Variants in CACNA1I observed in about 807,000 individuals in gnomAD.
CACNA1I encodes voltage-dependent T-type calcium channel subunit alpha-1I.
A neutral mutation model predicts 201.6 loss-of-function variants in CACNA1I; 74 were observed. The observed-to-expected ratio is 0.37, with a 90% CI of 0.30 to 0.45. CACNA1I has a LOEUF of 0.45. Among genes scored for constraint, CACNA1I ranks in the 20% least tolerant of loss-of-function variants. The pLI is 1.00. For synonymous variants in CACNA1I, 1,431 were observed against 1,345.2 expected (o/e 1.06, Z -1.40); for missense variants, 2,346 against 3,138.1 (o/e 0.75, Z 6.03).
At position 39,665,956 on chromosome 22, in the gene CACNA1I, G is replaced by A. The variant is rs765055982; in HGVS notation, c.4054G>A (p.Ala1352Thr). ...NITNRSDCMA[A>T]NYRWVHHKYN... The stretch of plus-strand genomic sequence containing the variant: ...CACCAACCGCTCGGACTGCATGGCC[G>A]CCAACTACCGCTGGGTCCATCACAA... Residue 1352 changes from alanine to threonine, a missense_variant, in exon 23 of 37, where the codon GCC (alanine) becomes ACC (threonine). Ala to Thr is a moderately conservative substitution (Grantham distance 58). This residue lies in a region of CACNA1I where 228 missense variants were observed against 395.7 expected (regional missense o/e 0.58). Transcript: ENST00000402142. This position sits in a 1 kb window ranked among gnomAD's most constrained non-coding sequence, Gnocchi z 5.5. 5.6e-6 allele frequency: 9 copies of A among 1,613,668 alleles called. No homozygotes were observed. The highest frequency in any genetic ancestry group is 1.3e-5 in the African/African-American group (1 of 74,934).
intron 29 of CACNA1I, among the ~76,000 whole-genome samples, chr22:39,674,407 G>A (rs546981615): frequency 6.6e-6 from 1 of 152,204 alleles, no homozygotes; most frequent in South Asian, 2.1e-4. Context: ...GGAGATCAGG[G>A]AAGGCAGCCT....
chr22:39,581,378 A>G (rs534151819), intron 1 of CACNA1I, among the ~76,000 whole-genome samples: 11 of 152,136 alleles, frequency 7.2e-5, no homozygotes, highest in Non-Finnish European at 1.6e-4. Flanking sequence ...TGGGGTCCAG[A>G]TTCTGGAGGG....
At chr22:39,658,067 C>A in intron 10 of CACNA1I, 85 bp from the exon 11 acceptor site, 1 of 1,450,942 alleles carries the variant, frequency 6.9e-7, no homozygotes, top group Non-Finnish European at 9.5e-7. Flanking sequence ...GCCAGGGTCA[C>A]ACAGCCAGGG....
chr22:39,679,508 C>A lies in CACNA1I; in HGVS notation c.5394+63C>A. 3 of 1,229,648 alleles carry A rather than the reference C, an allele frequency of 2.4e-6. No homozygotes were observed. In the African/African-American group the frequency reaches 4.6e-5, roughly 19 times the overall value. The allele number at this position is 1,229,648 out of a possible 1,614,324, so 76.2% of individuals were successfully genotyped here. On this transcript the variant is annotated intron_variant, in intron 32 of 36. Coordinates refer to ENST00000402142, the MANE Select transcript of CACNA1I (RefSeq NM_021096.4). ...GGGGGGCACCGCAGGGCCAGATGGG[C>A]AGCAGGGCCAGGGAGGCCTTGCACA...
chr22:39,582,746 C>G (rs976868082), intron 1 of CACNA1I, among the ~76,000 whole-genome samples: 1 of 134,520 alleles, frequency 7.4e-6, no homozygotes, highest in Non-Finnish European at 1.6e-5. Context: ...CCCCATACAC[C>G]CCCCCACCCA....
chr22:39,642,080 G>A (rs572629019), intron 6 of CACNA1I, among the ~76,000 whole-genome samples: 19 of 152,224 alleles, frequency 1.2e-4, no homozygotes, highest in East Asian at 5.8e-4. Flanking sequence ...TGCTGCCTCC[G>A]CTGCCCTGCG....
At chr22:39,638,578 T>C (rs1186938728) in intron 5 of CACNA1I, among the ~76,000 whole-genome samples, 1 of 152,244 alleles carries the variant, frequency 6.6e-6, no homozygotes, top group African/African-American at 2.4e-5. Context: ...CATTTGGTTA[T>C]TTTGTTCCAT....
intron 1 of CACNA1I, among the ~76,000 whole-genome samples, chr22:39,584,970 T>C (rs132574): frequency 6.6e-6 from 1 of 152,184 alleles, no homozygotes; most frequent in African/African-American, 2.4e-5. Context: ...TGATAACAAA[T>C]AATATATGTT....
chr22:39,617,298 A>G (rs1933567984), intron 3 of CACNA1I, among the ~76,000 whole-genome samples: 1 of 152,202 alleles, frequency 6.6e-6, no homozygotes, highest in Admixed American at 6.5e-5. Context: ...CTGGGAAGGC[A>G]GCACGTGGGT....
chr22:39,626,478 G>A (rs1601473673), intron 4 of CACNA1I, among the ~76,000 whole-genome samples: 1 of 152,222 alleles, frequency 6.6e-6, no homozygotes, highest in Non-Finnish European at 1.5e-5. Flanking sequence ...CATGTGCAAA[G>A]GTGGAGTGGA....
Position 39,585,699 on chromosome 22 carries a change from TAA to T in CACNA1I, c.237-12434_237-12433del, listed in dbSNP as rs577223485. ...GAGCTACCATGCCCAGCTGTAAACT[TAA>T]AAAAAAAAAAAAAAAAACTTTTAAA... On this transcript the variant is annotated intron_variant, in intron 1 of 36. Transcript: ENST00000402142. 4.0e-4 allele frequency among the ~76,000 whole-genome samples: 36 copies of T among 90,406 alleles called. 1 individual carries two copies. The highest frequency in any genetic ancestry group is 1.2e-3 in the African/African-American group (29 of 23,458). 59.3% of individuals were successfully genotyped at this position (90,406 alleles called of 152,430 possible).
At chr22:39,590,731 A>G (rs2040940589) in intron 1 of CACNA1I, among the ~76,000 whole-genome samples, 6 of 152,222 alleles carry the variant, frequency 3.9e-5, no homozygotes, top group Admixed American at 3.9e-4. Context: ...CTGTGGCCTT[A>G]GTTTCCTTTC....
chr22:39,686,210 G>A lies in CACNA1I; in HGVS notation c.6477G>A (p.Leu2159=), dbSNP rs1301319484. The change falls in exon 37 of 37, where the codon CTG becomes CTA. Residue 2159 remains leucine, a synonymous_variant. Coordinates refer to ENST00000402142, the MANE Select transcript of CACNA1I (RefSeq NM_021096.4). ...GGAAGTTCAGCAGCACCAGCAGCCT[G>A]GCCGCCCCCGGCCGCCCCCACGCCG... ...PARKFSSTSS[L]AAPGRPHAAA... The A allele has an allele frequency of 1.5e-5, 19 of 1,244,600 alleles. 1 individual carries two copies. Among genetic ancestry groups the A allele is most frequent in the Non-Finnish European group, 1.8e-5 (18 of 996,580 alleles). The allele number at this position is 1,244,600 out of a possible 1,614,324, so 77.1% of individuals were successfully genotyped here.
At chr22:39,680,820 A>G in intron 33 of CACNA1I, 110 bp from the exon 34 acceptor site, 2 of 1,232,720 alleles carry the variant, frequency 1.6e-6, no homozygotes, top group Non-Finnish European at 2.2e-6. Context: ...GACCTTTCTG[A>G]CCACTGCTCG....
chr22:39,627,296 A>G (rs1933926193), intron 4 of CACNA1I, among the ~76,000 whole-genome samples: 3 of 152,138 alleles, frequency 2.0e-5, no homozygotes, highest in Non-Finnish European at 4.4e-5. Flanking sequence ...GTTGGGGTGC[A>G]CAGGTCTCGT....
In CACNA1I at chr22:39,677,778, G is replaced by A. The variant is rs909074404; in HGVS notation, c.4934-209G>A. 3.9e-5 allele frequency among the ~76,000 whole-genome samples: 6 copies of A among 152,186 alleles called. No homozygotes were observed. Among genetic ancestry groups the A allele is most frequent in the African/African-American group, 1.4e-4 (6 of 41,452 alleles). ...CCTCTTTCTCAGAAACCCATTCTTC[G>A]GCGGGGAGCAGAGCCAGACTCACCC... On this transcript the variant is annotated intron_variant, in intron 30 of 36. Transcript: ENST00000402142. This position sits in a 1 kb window ranked among gnomAD's most constrained non-coding sequence, Gnocchi z 4.8.
chr22:39,619,968 C>T (rs895784400), intron 4 of CACNA1I, among the ~76,000 whole-genome samples: 8 of 151,728 alleles, frequency 5.3e-5, no homozygotes, highest in African/African-American at 1.7e-4. Context: ...TCCGTCCATC[C>T]ATCCATCCAT....
intron 7 of CACNA1I, 45 bp downstream of exon 7, chr22:39,642,934 TG>T: frequency 7.4e-7 from 1 of 1,350,952 alleles, no homozygotes. Flanking sequence ...TCAGAACCCA[TG>T]GACCAGGGGA....
chr22:39,574,431 A>T (rs1932279641), intron 1 of CACNA1I, among the ~76,000 whole-genome samples: 1 of 151,714 alleles, frequency 6.6e-6, no homozygotes, highest in Non-Finnish European at 1.5e-5. Context: ...CCTGGAGCAG[A>T]GACTCAGTCG....
Sources: allele counts gnomAD v4.1 joint callset (sites outside exome capture counted in the v4.1 genomes callset), GRCh38; gene constraint gnomAD v4.1.1; regional missense constraint gnomAD v4.1.1; non-coding constraint Gnocchi (gnomAD v3.1); transcripts MANE v1.5; gene names NCBI Gene and HGNC (gene_info 2026-07-23, HGNC 2026-07-21).